Variants in CARMIL1 observed in about 807,000 individuals in gnomAD.
The protein encoded by CARMIL1 is F-actin-uncapping protein LRRC16A.
CARMIL1 carries 90 observed loss-of-function variants against 177.1 expected under a neutral mutation model. The ratio of observed to expected loss-of-function variants is 0.51; its 90% CI spans 0.43 to 0.61. CARMIL1 has a LOEUF of 0.61. Ranked by LOEUF, CARMIL1 falls within the 20% of genes least tolerant of loss-of-function variation. The probability of loss-of-function intolerance (pLI) is 0.00; values close to 1 mark genes in which losing one functional copy is unlikely to be tolerated. For missense variants in CARMIL1, 1,380 were observed against 1,667.0 expected (o/e 0.83, Z 3.00); for synonymous variants, 577 against 606.2 (o/e 0.95, Z 0.71).
At chr6:25,508,862 A>G (rs1042766129) in intron 17 of CARMIL1, among the ~76,000 whole-genome samples, 6 of 152,200 alleles carry the variant, frequency 3.9e-5, no homozygotes, top group Non-Finnish European at 7.3e-5. Flanking sequence ...TAGGAACTCA[A>G]CAAATATTTG....
chr6:25,450,060 A>T, intron 6 of CARMIL1, 65 bp downstream of exon 6: 2 of 1,321,410 alleles, frequency 1.5e-6, no homozygotes, highest in South Asian at 2.7e-5. Context: ...CAGGAAGTTA[A>T]GTCTATTCCT....
At position 25,416,831 on chromosome 6, in the gene CARMIL1, G is replaced by A. The variant is rs1581866718; in HGVS notation, c.139-3283G>A. On this transcript the variant is annotated intron_variant, in intron 2 of 36. Coordinates refer to ENST00000329474, the MANE Select transcript of CARMIL1 (RefSeq NM_017640.6). The stretch of plus-strand genomic sequence containing the variant: ...AATTTTAGGTCTTTGACAATGTGAT[G>A]TTGAGACCTTTCTGGCATACGAGTT... Among the ~76,000 whole-genome samples the A allele has an allele frequency of 5.3e-5, 8 of 152,250 alleles. No individual in the cohort carries two copies. In the South Asian group the frequency reaches 1.5e-3, roughly 28 times the overall value.
chr6:25,455,259 A>G (rs762154466), intron 8 of CARMIL1, among the ~76,000 whole-genome samples: 27 of 152,212 alleles, frequency 1.8e-4, no homozygotes, highest in African/African-American at 2.9e-4. Context: ...TTCAGAGTCA[A>G]TAAGAAAGCT....
chr6:25,556,656 T>C, intron 28 of CARMIL1, 45 bp from the exon 29 acceptor site: 1 of 1,570,044 alleles, frequency 6.4e-7, no homozygotes. Context: ...AACCAGCACT[T>C]TCTCTGTACT....
intron 11 of CARMIL1, chr6:25,478,999 T>G: frequency 2.2e-6 from 1 of 446,582 alleles, no homozygotes; most frequent in Admixed American, 2.5e-5. Context: ...TCCAGGAAAG[T>G]TATAGAATTG....
At chr6:25,418,317 T>C (rs1759367192) in intron 2 of CARMIL1, among the ~76,000 whole-genome samples, 1 of 152,278 alleles carries the variant, frequency 6.6e-6, no homozygotes, top group Middle Eastern at 3.4e-3. Context: ...TTATATGACC[T>C]TGAAACGAGT....
intron 5 of CARMIL1, among the ~76,000 whole-genome samples, chr6:25,440,250 G>A (rs55678618): frequency 0.091 from 13,877 of 152,246 alleles, 676 homozygotes; most frequent in South Asian, 0.1. Context: ...TTGGGTGTAA[G>A]TGGGAGATGA....
chr6:25,580,129 T>C (rs1204974275), intron 29 of CARMIL1, among the ~76,000 whole-genome samples: 1 of 152,212 alleles, frequency 6.6e-6, no homozygotes, highest in African/African-American at 2.4e-5. Flanking sequence ...CTGCTCCTTC[T>C]GACACCATGA....
intron 29 of CARMIL1, among the ~76,000 whole-genome samples, chr6:25,561,637 C>G (rs1811121929): frequency 6.6e-6 from 1 of 152,066 alleles, no homozygotes; most frequent in Admixed American, 6.6e-5. Flanking sequence ...GTCTATTTGA[C>G]TTGGTCAAAA....
chr6:25,340,833 A>G (rs1400421289), intron 2 of CARMIL1, among the ~76,000 whole-genome samples: 1 of 136,622 alleles, frequency 7.3e-6, no homozygotes, highest in Non-Finnish European at 1.5e-5. Flanking sequence ...TAAGTGACAG[A>G]TCAGAGTCCA....
At chr6:25,297,084 T>G (rs1561949489) in intron 2 of CARMIL1, among the ~76,000 whole-genome samples, 1 of 152,250 alleles carries the variant, frequency 6.6e-6, no homozygotes, top group African/African-American at 2.4e-5. Context: ...CAGGCCACCA[T>G]GCCCAGCCTC....
chr6:25,281,788 T>G (rs1781136551), intron 1 of CARMIL1, among the ~76,000 whole-genome samples: 1 of 152,104 alleles, frequency 6.6e-6, no homozygotes, highest in African/African-American at 2.4e-5. Context: ...CCTCTATATA[T>G]TCCCTTAAGA....
chr6:25,522,278 A>G (rs577946950), intron 23 of CARMIL1, among the ~76,000 whole-genome samples: 18 of 152,306 alleles, frequency 1.2e-4, no homozygotes, highest in African/African-American at 4.3e-4. Flanking sequence ...TCTTTACTCT[A>G]TCCCTTCCTA....
intron 29 of CARMIL1, chr6:25,563,140 C>T (rs1045456583): frequency 4.3e-6 from 3 of 697,674 alleles, no homozygotes; most frequent in Non-Finnish European, 5.3e-6. Flanking sequence ...GGGTATAGTA[C>T]AGTAGAGCCA....
intron 36 of CARMIL1, among the ~76,000 whole-genome samples, chr6:25,617,614 C>T (rs1759385284): frequency 6.6e-6 from 1 of 152,128 alleles, no homozygotes; most frequent in East Asian, 1.9e-4. Context: ...ACAAGAAATG[C>T]TGTAGTTTGA....
intron 2 of CARMIL1, among the ~76,000 whole-genome samples, chr6:25,296,206 C>T (rs1242905401): frequency 2.0e-5 from 3 of 152,162 alleles, no homozygotes; most frequent in African/African-American, 7.2e-5. Context: ...CAGAGTAGTC[C>T]TTCTCATTCT....
At chr6:25,468,049 T>G (rs944214415) in intron 9 of CARMIL1, among the ~76,000 whole-genome samples, 6 of 152,220 alleles carry the variant, frequency 3.9e-5, no homozygotes, top group Admixed American at 1.3e-4. Flanking sequence ...AATAAGTGGC[T>G]GCTTCTCAAG....
At position 25,472,506 on chromosome 6, in the gene CARMIL1, C is replaced by G. The variant is rs1275356723; in HGVS notation, c.859C>G (p.Pro287Ala). The change falls in exon 11 of 37, where the codon CCA becomes GCA. Residue 287 changes from proline to alanine, a missense_variant. Pro to Ala is a conservative substitution (Grantham distance 27, BLOSUM62 -1). Transcript: ENST00000329474. ...GLHTINLAGNPLEDRGVSSLS... is the reference protein window; with the variant it reads ...GLHTINLAGNALEDRGVSSLS... ...CCACACAATTAACCTTGCTGGCAACCCACTGGAGGATAGAGGTACTGCAGA... is the reference window on the plus strand; with the variant it reads ...CCACACAATTAACCTTGCTGGCAACGCACTGGAGGATAGAGGTACTGCAGA... 6.3e-7 allele frequency: 1 copy of G among 1,576,682 alleles called. No individual in the cohort carries two copies. The highest frequency in any genetic ancestry group is 8.6e-7 in the Non-Finnish European group (1 of 1,160,166).
chr6:25,489,392 A>G (rs1193549023), intron 13 of CARMIL1, among the ~76,000 whole-genome samples: 3 of 152,190 alleles, frequency 2.0e-5, no homozygotes, highest in South Asian at 2.1e-4. Flanking sequence ...ACCTGGGGCC[A>G]TTTCTTCGGA....
Sources: allele counts gnomAD v4.1 joint callset (sites outside exome capture counted in the v4.1 genomes callset), GRCh38; gene constraint gnomAD v4.1.1; transcripts MANE v1.5; gene names NCBI Gene and HGNC (gene_info 2026-07-23, HGNC 2026-07-21).